The following HK1 variants were observed in gnomAD, a reference collection of about 807,000 sequenced individuals.
HK1 encodes hexokinase 1.
HK1 carries 28 observed loss-of-function variants against 91.6 expected under a neutral mutation model. That is an observed-to-expected ratio of 0.31 (90% CI 0.23 to 0.42). HK1 has a LOEUF of 0.42. Among genes scored for constraint, HK1 ranks in the 10% least tolerant of loss-of-function variants. HK1 has a pLI of 1.00. For synonymous variants in HK1, 430 were observed against 468.1 expected, an observed-to-expected ratio of 0.92 and a Z score of 1.05; for missense variants, 770 against 1,219.8, an observed-to-expected ratio of 0.63 and a Z score of 5.49.
intron 1 of HK1, among the ~76,000 whole-genome samples, chr10:69,328,521 A>G (rs1291158150): frequency 6.6e-6 from 1 of 152,194 alleles, no homozygotes. Context: ...GTTCATCCCC[A>G]CAACGCCCTT....
At chr10:69,388,972 G>A (rs12416320) in intron 13 of HK1, among the ~76,000 whole-genome samples, 7,348 of 152,268 alleles carry the variant, frequency 0.048, 257 homozygotes, top group Middle Eastern at 0.075. Flanking sequence ...TCTGTAAAAT[G>A]GGTAGAATAC....
chr10:69,325,182 G>A (rs374167931), intron 1 of HK1, among the ~76,000 whole-genome samples: 24 of 150,724 alleles, frequency 1.6e-4, no homozygotes, highest in African/African-American at 5.9e-4. Flanking sequence ...CTCCTGAGTA[G>A]CTGGGACTAC....
rs1208341366 is a variant in HK1 at position 69,294,996 on chromosome 10, T to C, written c.-114-637T>C. On this transcript the variant is annotated intron_variant, in intron 3 of 21. Transcript: ENST00000360289. ...GTGAGCCTTAATCATGCCACCGCAC[T>C]CCAAGCCTGGGCAACAGAGAGAGAG... is the stretch of plus-strand genomic sequence containing the variant. 4.5e-5 allele frequency among the ~76,000 whole-genome samples: 6 copies of C among 133,664 alleles called. No individual in the cohort carries two copies. In the East Asian group the frequency reaches 1.3e-3, roughly 30 times the overall value. The allele number at this position is 133,664 out of a possible 152,430, so 87.7% of individuals were successfully genotyped here.
chr10:69,357,409 T>G (rs1203299581), intron 2 of HK1, among the ~76,000 whole-genome samples: 1 of 152,196 alleles, frequency 6.6e-6, no homozygotes, highest in African/African-American at 2.4e-5. Context: ...ACATTTTGCT[T>G]AGTGAAATGA....
intron 3 of HK1, chr10:69,295,489 T>C (rs1332607688): frequency 1.5e-6 from 1 of 687,028 alleles, no homozygotes. Context: ...GTAATCATGA[T>C]AGAATTTGCT....
At position 69,304,833 on chromosome 10, in the gene HK1, T is replaced by C. The variant is rs16926233; in HGVS notation, c.27+3972T>C. Among the ~76,000 whole-genome samples the C allele has an allele frequency of 1.3e-4, 20 of 152,278 alleles. 1 individual carries two copies. The East Asian group carries it at 3.7e-3, about 28-fold the overall frequency. ...CTTGGGTCATGCTTTCCTGCTCATGTGGTTGTTTGCAGCGTTCGGTTCCTT... is the reference window on the plus strand; with the variant it reads ...CTTGGGTCATGCTTTCCTGCTCATGCGGTTGTTTGCAGCGTTCGGTTCCTT... On this transcript the variant is annotated intron_variant, in intron 5 of 21. Transcript: ENST00000360289.
At chr10:69,301,480 AG>A (rs1202984405) in intron 5 of HK1, among the ~76,000 whole-genome samples, 7 of 142,500 alleles carry the variant, frequency 4.9e-5, no homozygotes, top group South Asian at 4.7e-4. Flanking sequence ...AGGCTGAGGC[AG>A]GAGAATTGCT....
Position 69,382,803 on chromosome 10 carries a change from C to G in HK1, c.1570+12C>G. On this transcript the variant is annotated intron_variant, in intron 10 of 17. Coordinates refer to ENST00000359426, the MANE Select transcript of HK1 (RefSeq NM_000188.3). ...TCCCGACGGGACCGGTGAGGGCCTGCTGGGGGCTGACATGCCTGTCCTGCT... is the reference window on the plus strand; with the variant it reads ...TCCCGACGGGACCGGTGAGGGCCTGGTGGGGGCTGACATGCCTGTCCTGCT... The G allele has an allele frequency of 6.2e-7, 1 of 1,607,548 alleles. No homozygotes were observed. The highest frequency in any genetic ancestry group is 2.2e-5 in the East Asian group (1 of 44,632).
chr10:69,320,989 A>G (rs879717632), intron 1 of HK1, among the ~76,000 whole-genome samples: 2 of 151,950 alleles, frequency 1.3e-5, no homozygotes, highest in Non-Finnish European at 2.9e-5. Flanking sequence ...CGAGTTTGGG[A>G]TTCTGATGTT....
rs577758455 is a variant in HK1 at position 69,273,687 on chromosome 10, C to T, written c.-391+3579C>T. On this transcript the variant is annotated intron_variant, in intron 1 of 21. Transcript: ENST00000360289. ...ATCTCCAATAACTAGTCTTCAAGTTCAGTGACAGATTTTTTTTCTGCTGTG... is the reference window on the plus strand; with the variant it reads ...ATCTCCAATAACTAGTCTTCAAGTTTAGTGACAGATTTTTTTTCTGCTGTG... Among the ~76,000 whole-genome samples, 14 of 152,346 alleles carry T rather than the reference C, an allele frequency of 9.2e-5. No individual in the cohort carries two copies. The South Asian group carries it at 2.7e-3, about 29-fold the overall frequency.
At chr10:69,287,217 A>T (rs886098969) in intron 2 of HK1, among the ~76,000 whole-genome samples, 1 of 152,136 alleles carries the variant, frequency 6.6e-6, no homozygotes, top group East Asian at 1.9e-4. Flanking sequence ...TCATGGCGGG[A>T]AGGCAAAGGG....
intron 1 of HK1, among the ~76,000 whole-genome samples, chr10:69,272,978 A>AT (rs554100575): frequency 3.0e-4 from 29 of 96,588 alleles, no homozygotes; most frequent in African/African-American, 3.5e-4. Context: ...TTTTTTTGCC[A>AT]TTTTTTTTTT....
intron 1 of HK1, among the ~76,000 whole-genome samples, chr10:69,320,150 G>A (rs1437171712): frequency 6.6e-6 from 1 of 152,142 alleles, no homozygotes; most frequent in Non-Finnish European, 1.5e-5. Flanking sequence ...GCCTACTGAG[G>A]GCAGCGACCT....
intron 3 of HK1, among the ~76,000 whole-genome samples, chr10:69,363,689 T>C (rs1166683818): frequency 6.6e-6 from 1 of 152,100 alleles, no homozygotes. Flanking sequence ...CTGGTTATAT[T>C]TTAGAGATGA....
At chr10:69,277,290 G>A (rs1483368809) in intron 1 of HK1, among the ~76,000 whole-genome samples, 1 of 152,144 alleles carries the variant, frequency 6.6e-6, no homozygotes, top group Admixed American at 6.5e-5. Flanking sequence ...CTTTTTGGCT[G>A]GGTGAAGTGG....
chr10:69,392,429 T>A (rs1442397222), intron 15 of HK1, 121 bp downstream of exon 15: 2 of 1,020,992 alleles, frequency 2.0e-6, no homozygotes, highest in East Asian at 2.5e-5. Flanking sequence ...GTTTCAAGAC[T>A]GGACCCCCTG....
At chr10:69,387,624 T>TC in intron 13 of HK1, among the ~76,000 whole-genome samples, 1 of 152,170 alleles carries the variant, frequency 6.6e-6, no homozygotes, top group South Asian at 2.1e-4. Context: ...GCTCCAGTGA[T>TC]CCTCCTGCCT....
At chr10:69,344,987 G>A (rs1475468377) in intron 2 of HK1, among the ~76,000 whole-genome samples, 1 of 152,026 alleles carries the variant, frequency 6.6e-6, no homozygotes, top group South Asian at 2.1e-4. Flanking sequence ...CCCTGCTCTC[G>A]AGGCTCTTAT....
upstream of HK1, chr10:69,315,808 G>T: frequency 5.1e-6 from 4 of 779,144 alleles, no homozygotes; most frequent in Non-Finnish European, 9.2e-6. Flanking sequence ...GGGGTTGGGG[G>T]TGGGATGGAC....
Sources: gnomAD v4.1 joint callset for allele counts (sites outside exome capture counted in the v4.1 genomes callset) on GRCh38, gnomAD v4.1.1 for gene constraint, MANE v1.5 for transcripts, NCBI Gene and HGNC (gene_info 2026-07-23, HGNC 2026-07-21) for gene names.